Variants in LSS observed in about 807,000 individuals in gnomAD.
The protein encoded by LSS is lanosterol synthase.
Under a neutral mutation model 110.3 loss-of-function variants are expected in LSS, and 90 were observed. That is an observed-to-expected ratio of 0.82 (90% CI 0.69 to 0.97). The LOEUF (loss-of-function observed/expected upper bound fraction) is 0.97. LSS is among the 50% of genes least tolerant of loss of function. LSS has a pLI of 0.00. For missense variants in LSS, 927 were observed against 990.0 expected, an observed-to-expected ratio of 0.94 and a Z score of 0.85; for synonymous variants, 433 against 400.0, an observed-to-expected ratio of 1.08 and a Z score of -0.98.
At position 46,190,923 on chromosome 21, in the gene LSS, AGT is replaced by A. The variant is rs2079801488; in HGVS notation, c.*179_*180del. ...AAATGAACCTACAGTAAAAATCAAG[AGT>A]CTAAGCCACCCACCCTGTCCCCATC... is the stretch of plus-strand genomic sequence containing the variant. On this transcript the variant is annotated 3_prime_UTR_variant, in exon 22 of 22. Coordinates refer to ENST00000397728, the MANE Select transcript of LSS (RefSeq NM_002340.6). The surrounding 1 kb of genome is among the most constrained non-coding windows in gnomAD (Gnocchi z 4.6). 1 of 632,730 alleles carries A rather than the reference AGT, an allele frequency of 1.6e-6. No homozygotes were observed. The highest frequency in any genetic ancestry group is 2.4e-5 in the African/African-American group (1 of 42,370). The allele number at this position is 632,730 out of a possible 1,614,324, so 39.2% of individuals were successfully genotyped here.
At position 46,194,443 on chromosome 21, in the gene LSS, C is replaced by T. The variant is rs1424230128; in HGVS notation, c.1988+48G>A. The stretch of plus-strand genomic sequence containing the variant: ...GGCCACCGGCTCACAGCTGAGTGTC[C>T]CTCCTCTACCCAAACCCAAGGCTCA... On this transcript the variant is annotated intron_variant, in intron 20 of 21. Coordinates refer to ENST00000397728, the MANE Select transcript of LSS (RefSeq NM_002340.6). 9 of 1,605,192 alleles carry T rather than the reference C, an allele frequency of 5.6e-6. No homozygotes were observed. The African/African-American group carries it at 9.4e-5, about 17-fold the overall frequency.
Position 46,194,571 on chromosome 21 carries a change from G to A in LSS, c.1908C>T (p.Cys636=), listed in dbSNP as rs770659135. 20 of 1,613,546 alleles carry A rather than the reference G, an allele frequency of 1.2e-5. No individual in the cohort carries two copies. The highest frequency in any genetic ancestry group is 4.0e-5 in the African/African-American group (3 of 74,938). Residue 636 remains cysteine, a synonymous_variant, in exon 20 of 22, where the codon TGC becomes TGT. Transcript: ENST00000397728. Reference sequence around the variant, plus strand: ...CACTCTGCAAATAACGCCGCTCCTCGCAGGACTCAAAGTCCTCCCCCCAGC... The same window carrying A: ...CACTCTGCAAATAACGCCGCTCCTCACAGGACTCAAAGTCCTCCCCCCAGC... ...DGGWGEDFES[C]EERRYLQSAQ... is the part of the protein sequence containing the mutation.
chr21:46,227,941 G>A (rs959185185), intron 2 of LSS, among the ~76,000 whole-genome samples: 1 of 152,202 alleles, frequency 6.6e-6, no homozygotes, highest in Non-Finnish European at 1.5e-5. Flanking sequence ...CAAGATGTCT[G>A]GAATAAACCA....
chr21:46,205,865 A>G lies in LSS; in HGVS notation c.1641T>C (p.Arg547=), dbSNP rs2080041227. 3 of 1,609,756 alleles carry G rather than the reference A, an allele frequency of 1.9e-6. No individual in the cohort carries two copies. Among genetic ancestry groups the G allele is most frequent in the South Asian group, 2.2e-5 (2 of 89,824 alleles). Residue 547 remains arginine (R), a synonymous_variant, in exon 17 of 22, where the codon CGT becomes CGC. Coordinates refer to ENST00000397728, the MANE Select transcript of LSS (RefSeq NM_002340.6). The stretch of plus-strand genomic sequence containing the variant: ...TCTCCGCTGCCCTGTGCTCCGGGAA[A>G]CGCTTGTGGAAATACTTAAGCGCCT... ...VMQALKYFHK[R]FPEHRAAEIR... is the part of the protein sequence containing the mutation.
In LSS at chr21:46,228,567, G is replaced by T. The variant is rs761137626; in HGVS notation, c.47C>A (p.Thr16Asn). Residue 16 changes from threonine to asparagine, a missense_variant, in exon 2 of 22, where the codon ACC (threonine) becomes AAC (asparagine). Transcript: ENST00000397728. ...CLRRRGGPYK[T>N]EPATDLGRWR... ...GCGGCCGAGGTCGGTGGCGGGCTCGGTCTTGTAGGGGCCCCCTCGGCGCCG... is the reference window on the plus strand; with the variant it reads ...GCGGCCGAGGTCGGTGGCGGGCTCGTTCTTGTAGGGGCCCCCTCGGCGCCG... 16 of 1,594,314 alleles carry T rather than the reference G, an allele frequency of 1.0e-5. No individual in the cohort carries two copies. Among genetic ancestry groups the T allele is most frequent in the African/African-American group, 1.3e-5 (1 of 74,696 alleles).
chr21:46,225,369 T>C (rs1276062291), intron 3 of LSS: 1 of 452,948 alleles, frequency 2.2e-6, no homozygotes, highest in Admixed American at 2.4e-5. Flanking sequence ...AAGAGGCCCG[T>C]TGCCAAGCGG....
chr21:46,225,454 C>G lies in LSS; in HGVS notation c.319+2098G>C, dbSNP rs143737162. ...TACTTAGCATACCGGGAAAGGGAATCTCCCTTTCCCCGGGGGAGTTTAGAG... is the reference window on the plus strand; with the variant it reads ...TACTTAGCATACCGGGAAAGGGAATGTCCCTTTCCCCGGGGGAGTTTAGAG... On this transcript the variant is annotated intron_variant, in intron 3 of 21. Transcript: ENST00000397728. 9.1e-4 allele frequency: 410 copies of G among 449,924 alleles called. 2 individuals are homozygous for G. Among genetic ancestry groups the G allele is most frequent in the Non-Finnish European group, 8.7e-4 (195 of 225,172 alleles). 27.9% of individuals were successfully genotyped at this position (449,924 alleles called of 1,614,324 possible).
chr21:46,205,984 GCTGC>G, intron 16 of LSS, 43 bp from the exon 17 acceptor site: 1 of 1,438,006 alleles, frequency 7.0e-7, no homozygotes, highest in Non-Finnish European at 9.6e-7. Context: ...TTTCACCCTG[GCTGC>G]CCAGGCTCTG....
intron 17 of LSS, among the ~76,000 whole-genome samples, chr21:46,200,701 C>G (rs2079967649): frequency 6.6e-6 from 1 of 152,070 alleles, no homozygotes; most frequent in Non-Finnish European, 1.5e-5. Context: ...AAATGCAACC[C>G]ATGTGCACAG....
At chr21:46,225,873 T>G (rs889000811) in intron 3 of LSS, among the ~76,000 whole-genome samples, 5 of 152,248 alleles carry the variant, frequency 3.3e-5, no homozygotes, top group African/African-American at 1.2e-4. Flanking sequence ...AGCCTGGCAT[T>G]CAGGGCCACT....
chr21:46,228,282 G>C (rs2080380983), intron 2 of LSS, 152 bp downstream of exon 2: 1 of 768,438 alleles, frequency 1.3e-6, no homozygotes, highest in Non-Finnish European at 2.0e-6. Context: ...CTGAAGCGGA[G>C]GGGCCCGCGA....
intron 9 of LSS, among the ~76,000 whole-genome samples, chr21:46,214,698 C>T (rs1160798492): frequency 2.0e-5 from 3 of 152,204 alleles, no homozygotes; most frequent in African/African-American, 7.2e-5. Context: ...CACACCTGGA[C>T]CCCTGCAGGC....
At chr21:46,227,786 G>A in intron 2 of LSS, 96 bp from the exon 3 acceptor site, 6 of 1,382,720 alleles carry the variant, frequency 4.3e-6, no homozygotes, top group Admixed American at 2.0e-5. Flanking sequence ...TCAAAACAGT[G>A]AATGTAAATT....
At position 46,208,286 on chromosome 21, in the gene LSS, G is replaced by T; in HGVS notation, c.1282C>A (p.Pro428Thr). 3 of 1,552,798 alleles carry T rather than the reference G, an allele frequency of 1.9e-6. No homozygotes were observed. The highest frequency in any genetic ancestry group is 2.6e-6 in the Non-Finnish European group (3 of 1,147,634). ...LRLSQVPDNP[P>T]DYQKYYRQMR... Reference sequence around the variant, plus strand: ...TGGCGGTAGTACTTCTGGTAGTCGGGAGGGTTATCTGGGACCTGGGCAGCA... The same window carrying T: ...TGGCGGTAGTACTTCTGGTAGTCGGTAGGGTTATCTGGGACCTGGGCAGCA... The change falls in exon 14 of 22, where the codon CCC (proline) becomes ACC (threonine). Residue 428 changes from proline to threonine, a missense_variant. Pro to Thr is a conservative substitution (Grantham distance 38). Transcript: ENST00000397728.
At chr21:46,201,954 C>T (rs1233091798) in intron 17 of LSS, among the ~76,000 whole-genome samples, 120 of 150,936 alleles carry the variant, frequency 8.0e-4, no homozygotes, top group African/African-American at 2.9e-3. Context: ...CCCGCCACCA[C>T]GCCCGGCTAA....
intron 17 of LSS, among the ~76,000 whole-genome samples, chr21:46,202,747 T>C (rs930198453): frequency 3.9e-5 from 6 of 151,996 alleles, no homozygotes; most frequent in African/African-American, 1.5e-4. Context: ...GGTGATGGTA[T>C]GCACCTGTAG....
At chr21:46,220,268 G>A (rs1043849303) in intron 5 of LSS, 12 of 152,346 alleles carry the variant, frequency 7.9e-5, no homozygotes, top group African/African-American at 2.9e-4. Flanking sequence ...CCAGGAGTGT[G>A]GTGGGAACCG....
At chr21:46,212,757 T>G (rs912257343) in intron 11 of LSS, among the ~76,000 whole-genome samples, 2 of 152,054 alleles carry the variant, frequency 1.3e-5, no homozygotes, top group African/African-American at 4.8e-5. Flanking sequence ...CAGCTCTGGG[T>G]CTGTCGTTAC....
chr21:46,225,640 A>T (rs191291490), intron 3 of LSS, among the ~76,000 whole-genome samples: 1 of 152,224 alleles, frequency 6.6e-6, no homozygotes, highest in South Asian at 2.1e-4. Flanking sequence ...TGCCTTTTAG[A>T]TAACAGTAGC....
Sources: allele counts gnomAD v4.1 joint callset (sites outside exome capture counted in the v4.1 genomes callset), GRCh38; gene constraint gnomAD v4.1.1; non-coding constraint Gnocchi (gnomAD v3.1); transcripts MANE v1.5; gene names NCBI Gene and HGNC (gene_info 2026-07-23, HGNC 2026-07-21).